The following FCHSD2 variants were observed in gnomAD, a reference collection of about 807,000 sequenced individuals.
The protein encoded by FCHSD2 is F-BAR and double SH3 domains protein 2.
In FCHSD2, 38 loss-of-function variants were observed where a neutral mutation model predicts 108.1. The observed-to-expected ratio is 0.35, with a 90% CI of 0.27 to 0.46. The LOEUF (loss-of-function observed/expected upper bound fraction) is 0.46, where lower values mean the gene tolerates loss of function less well. FCHSD2 is among the 20% of genes least tolerant of loss of function. The pLI, the probability that FCHSD2 is intolerant of heterozygous loss-of-function variation, is 1.00. For synonymous variants in FCHSD2, 279 were observed against 314.7 expected, an observed-to-expected ratio of 0.89 and a Z score of 1.20; for missense variants, 751 against 897.8, an observed-to-expected ratio of 0.84 and a Z score of 2.09.
intron 8 of FCHSD2, among the ~76,000 whole-genome samples, chr11:72,958,870 G>C (rs1263059415): frequency 6.6e-6 from 1 of 152,090 alleles, no homozygotes; most frequent in Non-Finnish European, 1.5e-5. Flanking sequence ...GGACATTCTA[G>C]TCTGCCAAAA....
chr11:73,031,997 A>T (rs181125043), intron 3 of FCHSD2, among the ~76,000 whole-genome samples: 155 of 152,362 alleles, frequency 1.0e-3, no homozygotes, highest in Non-Finnish European at 1.9e-3. Context: ...GGAACTATTA[A>T]CTAAATTATG....
intron 14 of FCHSD2, among the ~76,000 whole-genome samples, 183 bp downstream of exon 14, chr11:72,849,572 C>T (rs1006762668): frequency 2.0e-5 from 3 of 152,148 alleles, no homozygotes; most frequent in Admixed American, 6.5e-5. Context: ...TCTAGGCAGA[C>T]GGAGTAGCAA....
At position 73,109,729 on chromosome 11, in the gene FCHSD2, A is replaced by G. The variant is rs77203641; in HGVS notation, c.120-25989T>C. Among the ~76,000 whole-genome samples the G allele has an allele frequency of 4.7e-3, 719 of 152,312 alleles. 5 individuals carry two copies. The highest frequency in any genetic ancestry group is 0.017 in the African/African-American group (697 of 41,570). Reference sequence around the variant, plus strand: ...GACTGCTCTTGCTAGGACTTCCAGTAATACACTGAGTAACAGTAGTGACAG... The same window carrying G: ...GACTGCTCTTGCTAGGACTTCCAGTGATACACTGAGTAACAGTAGTGACAG... On this transcript the variant is annotated intron_variant, in intron 2 of 19. Coordinates refer to ENST00000409418, the MANE Select transcript of FCHSD2 (RefSeq NM_014824.3).
chr11:73,077,097 CA>C (rs372641793), intron 3 of FCHSD2, among the ~76,000 whole-genome samples: 145 of 72,494 alleles, frequency 2.0e-3, no homozygotes, highest in African/African-American at 5.8e-3. Flanking sequence ...GACTCTGTCT[CA>C]AAAAAAAAAA....
At chr11:72,947,505 T>G (rs1452999306) in intron 8 of FCHSD2, among the ~76,000 whole-genome samples, 1 of 152,212 alleles carries the variant, frequency 6.6e-6, no homozygotes, top group African/African-American at 2.4e-5. Context: ...CAAGATCTTA[T>G]TCTAAGCAAT....
intron 2 of FCHSD2, among the ~76,000 whole-genome samples, chr11:73,130,200 G>A (rs1291800041): frequency 6.6e-6 from 1 of 151,824 alleles, no homozygotes; most frequent in Non-Finnish European, 1.5e-5. Flanking sequence ...TATATACCTG[G>A]GTGTGGCTAA....
chr11:73,139,073 G>C (rs1861187040), intron 2 of FCHSD2, among the ~76,000 whole-genome samples: 2 of 152,154 alleles, frequency 1.3e-5, no homozygotes, highest in African/African-American at 4.8e-5. Context: ...CCTGAAGACA[G>C]GTATACAGCA....
At chr11:73,026,887 C>G (rs561873753) in intron 3 of FCHSD2, among the ~76,000 whole-genome samples, 1 of 152,224 alleles carries the variant, frequency 6.6e-6, no homozygotes, top group South Asian at 2.1e-4. Context: ...GTAAGACATG[C>G]CTTGCTTTCC....
chr11:73,103,082 T>C (rs1472182329), intron 2 of FCHSD2, among the ~76,000 whole-genome samples: 1 of 152,114 alleles, frequency 6.6e-6, no homozygotes, highest in Non-Finnish European at 1.5e-5. Flanking sequence ...AAAAAGTAAA[T>C]CAGCAGTTAT....
At chr11:73,135,714 T>C (rs781121105) in intron 2 of FCHSD2, among the ~76,000 whole-genome samples, 9 of 152,116 alleles carry the variant, frequency 5.9e-5, no homozygotes, top group Non-Finnish European at 1.2e-4. Flanking sequence ...AACAACAAAT[T>C]AGTTGTCTTT....
chr11:72,956,550 G>A (rs1345711756), intron 8 of FCHSD2, among the ~76,000 whole-genome samples: 1 of 152,168 alleles, frequency 6.6e-6, no homozygotes, highest in Non-Finnish European at 1.5e-5. Flanking sequence ...TACTTCTGGA[G>A]ACTGAGAAAT....
chr11:72,875,529 T>C (rs972532791), intron 12 of FCHSD2, among the ~76,000 whole-genome samples: 1 of 152,150 alleles, frequency 6.6e-6, no homozygotes, highest in Non-Finnish European at 1.5e-5. Flanking sequence ...GGGGTCTTGC[T>C]ATGCTGCCTG....
At chr11:73,025,000 G>A (rs1858193772) in intron 3 of FCHSD2, among the ~76,000 whole-genome samples, 1 of 152,158 alleles carries the variant, frequency 6.6e-6, no homozygotes, top group South Asian at 2.1e-4. Flanking sequence ...AACAGAAGTT[G>A]GCAAGGTCGT....
chr11:73,068,829 A>AAAAAAAAAAAAG (rs1859361963), intron 3 of FCHSD2, among the ~76,000 whole-genome samples: 1 of 148,298 alleles, frequency 6.7e-6, no homozygotes, highest in African/African-American at 2.5e-5. Flanking sequence ...AAAAAAAAAA[A>AAAAAAAAAAAAG]AAAGAAAAAG....
At chr11:73,099,915 C>T (rs1171255768) in intron 2 of FCHSD2, among the ~76,000 whole-genome samples, 11 of 152,236 alleles carry the variant, frequency 7.2e-5, no homozygotes, top group Admixed American at 6.5e-4. Flanking sequence ...TCTGCCCGTC[C>T]CTATCCCCCA....
intron 13 of FCHSD2, among the ~76,000 whole-genome samples, chr11:72,855,099 C>A (rs1426561585): frequency 2.0e-5 from 3 of 152,204 alleles, no homozygotes; most frequent in Non-Finnish European, 2.9e-5. Flanking sequence ...CATGGAGAAA[C>A]CCTGTCTCTA....
intron 9 of FCHSD2, among the ~76,000 whole-genome samples, chr11:72,904,029 C>A (rs1438237051): frequency 6.6e-6 from 1 of 151,992 alleles, no homozygotes; most frequent in African/African-American, 2.4e-5. Context: ...GGGAACTGGG[C>A]GAACCAAACA....
intron 8 of FCHSD2, among the ~76,000 whole-genome samples, chr11:72,960,473 G>A (rs972620445): frequency 5.9e-5 from 9 of 152,212 alleles, no homozygotes; most frequent in African/African-American, 2.2e-4. Flanking sequence ...GGCTTCAAAT[G>A]TGGAGTCCAT....
At chr11:73,138,455 G>A (rs985868302) in intron 2 of FCHSD2, among the ~76,000 whole-genome samples, 3 of 152,028 alleles carry the variant, frequency 2.0e-5, no homozygotes, top group Admixed American at 6.6e-5. Context: ...CCCCACACGG[G>A]ATCTTCACTT....
Sources: allele counts gnomAD v4.1 joint callset (sites outside exome capture counted in the v4.1 genomes callset), GRCh38; gene constraint gnomAD v4.1.1; transcripts MANE v1.5; gene names NCBI Gene and HGNC (gene_info 2026-07-23, HGNC 2026-07-21).